Variants in ANKS1B observed in about 807,000 individuals in gnomAD.
The protein encoded by ANKS1B is ankyrin repeat and sterile alpha motif domain-containing protein 1B.
In ANKS1B, 36 loss-of-function variants were observed where a neutral mutation model predicts 148.3. The ratio of observed to expected loss-of-function variants is 0.24; its 90% CI spans 0.19 to 0.32. ANKS1B has a LOEUF of 0.32. Ranked by LOEUF, ANKS1B falls within the 10% of genes least tolerant of loss-of-function variation. The pLI is 1.00. For synonymous variants in ANKS1B, 542 were observed against 560.8 expected, an observed-to-expected ratio of 0.97 and a Z score of 0.47; for missense variants, 1,157 against 1,542.6, an observed-to-expected ratio of 0.75 and a Z score of 4.19.
chr12:99,824,432 G>A (rs1050803471), intron 2 of ANKS1B, among the ~76,000 whole-genome samples: 3 of 152,030 alleles, frequency 2.0e-5, no homozygotes, highest in Non-Finnish European at 2.9e-5. Flanking sequence ...TCCAGGAGGC[G>A]GAGGTTGCAG....
At chr12:99,489,760 G>A (rs989093080) in intron 10 of ANKS1B, among the ~76,000 whole-genome samples, 2 of 152,062 alleles carry the variant, frequency 1.3e-5, no homozygotes, top group Non-Finnish European at 2.9e-5. Context: ...ACTTGTTTAC[G>A]GCATAGCTTT....
At chr12:99,159,682 G>A (rs1041609646) in intron 14 of ANKS1B, among the ~76,000 whole-genome samples, 5 of 152,100 alleles carry the variant, frequency 3.3e-5, no homozygotes, top group South Asian at 2.1e-4. Context: ...ATAGTGCTGC[G>A]ATGAACATAT....
intron 4 of ANKS1B, among the ~76,000 whole-genome samples, chr12:99,796,978 G>A (rs1342619061): frequency 1.3e-5 from 2 of 151,826 alleles, no homozygotes; most frequent in East Asian, 3.9e-4. Context: ...ACAAATTCAA[G>A]GTTGCTGTAA....
chr12:99,076,402 A>G (rs1212921183), intron 16 of ANKS1B, among the ~76,000 whole-genome samples: 1 of 152,218 alleles, frequency 6.6e-6, no homozygotes, highest in Non-Finnish European at 1.5e-5. Context: ...CAATATTAGA[A>G]AAAGTAAGGA....
At chr12:99,324,249 T>A (rs1348163569) in intron 12 of ANKS1B, among the ~76,000 whole-genome samples, 2 of 152,172 alleles carry the variant, frequency 1.3e-5, no homozygotes, top group Non-Finnish European at 2.9e-5. Context: ...AAGCTATTTA[T>A]TTGTATTTAC....
intron 17 of ANKS1B, among the ~76,000 whole-genome samples, chr12:98,906,268 G>T (rs1473539156): frequency 6.6e-6 from 1 of 152,078 alleles, no homozygotes; most frequent in African/African-American, 2.4e-5. Flanking sequence ...GCCCCTGCAG[G>T]TCTGCTATAT....
At chr12:99,922,937 A>AC (rs1566005651) in intron 1 of ANKS1B, among the ~76,000 whole-genome samples, 2 of 130,510 alleles carry the variant, frequency 1.5e-5, no homozygotes, top group Non-Finnish European at 3.3e-5. Flanking sequence ...CTCCAGAACT[A>AC]TAAAAAAAAA....
intron 1 of ANKS1B, among the ~76,000 whole-genome samples, chr12:99,921,274 T>C (rs561860737): frequency 6.6e-6 from 1 of 152,242 alleles, no homozygotes; most frequent in Non-Finnish European, 1.5e-5. Flanking sequence ...CTGATGCTTT[T>C]ATAAGGGGCT....
At chr12:99,071,416 G>A (rs1431252705) in intron 16 of ANKS1B, among the ~76,000 whole-genome samples, 2 of 152,168 alleles carry the variant, frequency 1.3e-5, no homozygotes, top group Non-Finnish European at 2.9e-5. Context: ...TCAAAATGGC[G>A]AATATGCTGT....
At chr12:99,630,708 C>A (rs2098149398) in intron 9 of ANKS1B, among the ~76,000 whole-genome samples, 1 of 152,200 alleles carries the variant, frequency 6.6e-6, no homozygotes, top group African/African-American at 2.4e-5. Context: ...AATATTTTCT[C>A]ACTTATTCCC....
At chr12:99,479,327 C>T (rs2096373976) in intron 10 of ANKS1B, among the ~76,000 whole-genome samples, 1 of 151,890 alleles carries the variant, frequency 6.6e-6, no homozygotes, top group Non-Finnish European at 1.5e-5. Flanking sequence ...ATTATGTCTG[C>T]CCAAGTTTAA....
intron 9 of ANKS1B, among the ~76,000 whole-genome samples, chr12:99,528,432 C>CAAAAAAAAAAAA (rs537716638): frequency 1.0e-5 from 1 of 96,672 alleles, no homozygotes. Flanking sequence ...AAAACAAAAA[C>CAAAAAAAAAAAA]AAAAAAAAAA....
intron 9 of ANKS1B, among the ~76,000 whole-genome samples, chr12:99,558,602 T>A (rs1368601298): frequency 6.6e-6 from 1 of 152,110 alleles, no homozygotes; most frequent in Non-Finnish European, 1.5e-5. Flanking sequence ...ATGCACAGAC[T>A]GCCAGTGAAG....
intron 14 of ANKS1B, among the ~76,000 whole-genome samples, chr12:99,221,544 G>A (rs902833233): frequency 3.3e-5 from 5 of 151,932 alleles, no homozygotes; most frequent in African/African-American, 1.2e-4. Flanking sequence ...ATTTTGAACA[G>A]GCAGTTCAGA....
At chr12:99,883,232 A>G (rs1267426163) in intron 1 of ANKS1B, among the ~76,000 whole-genome samples, 1 of 152,184 alleles carries the variant, frequency 6.6e-6, no homozygotes, top group East Asian at 1.9e-4. Context: ...TAGGCCTACA[A>G]AAGTATGATC....
intron 9 of ANKS1B, among the ~76,000 whole-genome samples, chr12:99,526,171 TG>T (rs1272557814): frequency 6.6e-6 from 1 of 152,092 alleles, no homozygotes; most frequent in East Asian, 1.9e-4. Flanking sequence ...TTGAAAAAAA[TG>T]GGCACTTTAT....
At chr12:99,720,296 T>C (rs1846798) in intron 8 of ANKS1B, among the ~76,000 whole-genome samples, 66,281 of 151,944 alleles carry the variant, frequency 0.44, 14,844 homozygotes, top group South Asian at 0.61. Context: ...AACTAAAATA[T>C]CTCTTAGTCT....
intron 19 of ANKS1B, among the ~76,000 whole-genome samples, chr12:98,809,609 A>T (rs1291574669): frequency 6.6e-6 from 1 of 152,184 alleles, no homozygotes; most frequent in Non-Finnish European, 1.5e-5. Flanking sequence ...GCCTGCTGGG[A>T]TGGCTAAGAA....
chr12:99,897,945 A>T (rs2093443687), intron 1 of ANKS1B, among the ~76,000 whole-genome samples: 1 of 143,702 alleles, frequency 7.0e-6, no homozygotes, highest in Non-Finnish European at 1.6e-5. Context: ...AAATAAGATT[A>T]AGTAGGTGAA....
Sources: allele counts gnomAD v4.1 joint callset (sites outside exome capture counted in the v4.1 genomes callset), GRCh38; gene constraint gnomAD v4.1.1; transcripts MANE v1.5; gene names NCBI Gene and HGNC (gene_info 2026-07-23, HGNC 2026-07-21).